Variants in LSAMP observed in about 807,000 individuals in gnomAD.
LSAMP encodes the protein limbic system associated membrane protein.
Under a neutral mutation model 38.6 loss-of-function variants are expected in LSAMP, and 7 were observed. The observed-to-expected ratio is 0.18, with a 90% CI of 0.10 to 0.34. The LOEUF (loss-of-function observed/expected upper bound fraction) is 0.34, where lower values mean the gene tolerates loss of function less well. Ranked by LOEUF, LSAMP falls within the 10% of genes least tolerant of loss-of-function variation. The pLI is 1.00. For missense variants in LSAMP, 313 were observed against 420.0 expected, an observed-to-expected ratio of 0.75 and a Z score of 2.23; for synonymous variants, 154 against 166.8, an observed-to-expected ratio of 0.92 and a Z score of 0.59.
rs1933769328 is a variant in LSAMP, at chr3:115,810,146, G to A, written c.*171C>T. 1.7e-6 allele frequency: 1 copy of A among 578,544 alleles called. No homozygotes were observed. The highest frequency in any genetic ancestry group is 1.9e-5 in the African/African-American group (1 of 53,316). The allele number at this position is 578,544 out of a possible 1,614,324, so 35.8% of individuals were successfully genotyped here. On this transcript the variant is annotated 3_prime_UTR_variant, in exon 7 of 7. Transcript: ENST00000490035. ...GGACTGTAAAATTGTTTTAAATGTT[G>A]TATTTTCTTCTTCACTTTCTTATTT...
rs1416485391 is a variant in LSAMP at position 116,038,365 on chromosome 3, A to T, written c.389-18725T>A. Among the ~76,000 whole-genome samples, 31 of 152,152 alleles carry T rather than the reference A, an allele frequency of 2.0e-4. 1 individual carries two copies. The highest frequency in any genetic ancestry group is 2.0e-3 in the Admixed American group (31 of 15,268). ...GGAACATCAGAAATAGTGATTTGAA[A>T]TATTTCTCTGGAACACAGAAAGGGA... On this transcript the variant is annotated intron_variant, in intron 2 of 6. Coordinates refer to ENST00000490035, the MANE Select transcript of LSAMP (RefSeq NM_002338.5).
chr3:115,947,709 T>C (rs1938147934), intron 3 of LSAMP, among the ~76,000 whole-genome samples: 1 of 152,238 alleles, frequency 6.6e-6, no homozygotes, highest in African/African-American at 2.4e-5. Context: ...AAATTATTCC[T>C]ATATAACCCA....
intron 3 of LSAMP, among the ~76,000 whole-genome samples, chr3:115,925,504 T>A (rs1937478378): frequency 1.3e-5 from 2 of 152,188 alleles, no homozygotes; most frequent in African/African-American, 4.8e-5. Context: ...TCACAAATGT[T>A]ATAGAAGGCC....
intron 3 of LSAMP, among the ~76,000 whole-genome samples, chr3:115,976,872 TG>T (rs1413039430): frequency 6.6e-6 from 1 of 152,118 alleles, no homozygotes; most frequent in African/African-American, 2.4e-5. Flanking sequence ...GCACAGCCTG[TG>T]GTACTGTGAG....
At chr3:116,431,520 T>A (rs930674100) in intron 1 of LSAMP, among the ~76,000 whole-genome samples, 1 of 152,082 alleles carries the variant, frequency 6.6e-6, no homozygotes, top group Non-Finnish European at 1.5e-5. Flanking sequence ...ATATTTTACA[T>A]CACCATTATG....
chr3:116,015,437 C>T (rs934314138), intron 3 of LSAMP, among the ~76,000 whole-genome samples: 13 of 152,070 alleles, frequency 8.5e-5, no homozygotes, highest in Admixed American at 6.6e-5. Context: ...AGAAAATACA[C>T]GTTACAGTGC....
chr3:116,305,155 C>T (rs1353608866), intron 1 of LSAMP, among the ~76,000 whole-genome samples: 2 of 152,234 alleles, frequency 1.3e-5, no homozygotes, highest in Non-Finnish European at 2.9e-5. Flanking sequence ...AATGGGGATG[C>T]ACCTTGCACA....
At chr3:115,842,675 G>C in intron 4 of LSAMP, 97 bp from the exon 5 acceptor site, 1 of 1,481,250 alleles carries the variant, frequency 6.8e-7, no homozygotes, top group South Asian at 1.3e-5. Flanking sequence ...ATTAGAGAGA[G>C]GCAGGAAGGG....
At chr3:115,829,315 C>T (rs778310537) in intron 6 of LSAMP, among the ~76,000 whole-genome samples, 5 of 152,032 alleles carry the variant, frequency 3.3e-5, no homozygotes, top group South Asian at 2.1e-4. Flanking sequence ...ACAATTATCC[C>T]GCTTGAGTCT....
intron 1 of LSAMP, among the ~76,000 whole-genome samples, chr3:116,229,264 A>G (rs1461115): frequency 0.19 from 28,880 of 152,040 alleles, 2,806 homozygotes; most frequent in Admixed American, 0.24. Flanking sequence ...ACTTAAGAAA[A>G]AAGAGGAAAT....
At chr3:116,281,076 G>A (rs2047120774) in intron 1 of LSAMP, among the ~76,000 whole-genome samples, 1 of 152,156 alleles carries the variant, frequency 6.6e-6, no homozygotes, top group Non-Finnish European at 1.5e-5. Context: ...AAAACCAGCA[G>A]TTGCAAACTT....
At chr3:116,439,066 T>C (rs2049394668) in intron 1 of LSAMP, among the ~76,000 whole-genome samples, 1 of 152,130 alleles carries the variant, frequency 6.6e-6, no homozygotes, top group Admixed American at 6.5e-5. Context: ...AGCAGAATCA[T>C]TAAAAAACAA....
At chr3:116,253,109 C>G (rs938835704) in intron 1 of LSAMP, among the ~76,000 whole-genome samples, 1 of 152,094 alleles carries the variant, frequency 6.6e-6, no homozygotes, top group Admixed American at 6.6e-5. Flanking sequence ...CCCTTTCCCC[C>G]CTTTCTTCAT....
At chr3:116,097,478 TCATTA>T (rs1708249672) in intron 1 of LSAMP, among the ~76,000 whole-genome samples, 1 of 152,242 alleles carries the variant, frequency 6.6e-6, no homozygotes, top group African/African-American at 2.4e-5. Flanking sequence ...ATATGACTCA[TCATTA>T]CATTACATGC....
chr3:116,069,183 C>A (rs2107376014), intron 2 of LSAMP, among the ~76,000 whole-genome samples: 1 of 152,268 alleles, frequency 6.6e-6, no homozygotes, highest in Non-Finnish European at 1.5e-5. Flanking sequence ...ACCTCATCAG[C>A]CTCCTCTTGT....
chr3:115,818,791 T>TATATAC lies in LSAMP; in HGVS notation c.920-8378_920-8377insGTATAT, dbSNP rs1491137340. On this transcript the variant is annotated intron_variant, in intron 6 of 6. Coordinates refer to ENST00000490035, the MANE Select transcript of LSAMP (RefSeq NM_002338.5). ...TAAGAAAGAAGGAAAGTTGTACTTT[T>TATATAC]ATATATATATATATATATATATATA... Among the ~76,000 whole-genome samples, 125 of 14,804 alleles carry TATATAC rather than the reference T, an allele frequency of 8.4e-3. 3 individuals carry two copies. The highest frequency in any genetic ancestry group is 0.011 in the African/African-American group (63 of 5,890). The allele number at this position is 14,804 out of a possible 152,430, so 9.7% of individuals were successfully genotyped here. A position where few individuals can be genotyped will look rare whatever the true frequency, so the allele number is the denominator to read the frequency against.
chr3:116,330,673 C>T (rs945552635), intron 1 of LSAMP, among the ~76,000 whole-genome samples: 3 of 152,036 alleles, frequency 2.0e-5, no homozygotes, highest in African/African-American at 7.2e-5. Context: ...CATGCCCAGG[C>T]AAAAACACAG....
chr3:116,000,524 C>T (rs1401431882), intron 3 of LSAMP, among the ~76,000 whole-genome samples: 1 of 152,128 alleles, frequency 6.6e-6, no homozygotes, highest in East Asian at 1.9e-4. Flanking sequence ...GGGAAAGCAC[C>T]TGGTACACTG....
intron 2 of LSAMP, among the ~76,000 whole-genome samples, chr3:116,062,958 T>A (rs1941623137): frequency 6.6e-6 from 1 of 152,174 alleles, no homozygotes; most frequent in Non-Finnish European, 1.5e-5. Context: ...GACTACAACA[T>A]GAGAAGAGTA....
Sources: gnomAD v4.1 joint callset for allele counts (sites outside exome capture counted in the v4.1 genomes callset) on GRCh38, gnomAD v4.1.1 for gene constraint, MANE v1.5 for transcripts, NCBI Gene and HGNC (gene_info 2026-07-23, HGNC 2026-07-21) for gene names.